The following PRCP variants were observed in gnomAD, a reference collection of about 807,000 sequenced individuals.
The protein encoded by PRCP is lysosomal Pro-X carboxypeptidase.
PRCP carries 46 observed loss-of-function variants against 54.2 expected under a neutral mutation model. That is an observed-to-expected ratio of 0.85 (90% CI 0.67 to 1.09). The LOEUF is 1.09. Among genes scored for constraint, PRCP ranks in the 50% least tolerant of loss-of-function variants. The probability of loss-of-function intolerance (pLI) is 0.00; values close to 1 mark genes in which losing one functional copy is unlikely to be tolerated. For missense variants in PRCP, 613 were observed against 596.8 expected, an observed-to-expected ratio of 1.03 and a Z score of -0.28; for synonymous variants, 240 against 212.2, an observed-to-expected ratio of 1.13 and a Z score of -1.14.
intron 4 of PRCP, 46 bp from the exon 5 acceptor site, chr11:82,850,117 ATAT>A: frequency 1.1e-6 from 1 of 879,106 alleles, no homozygotes; most frequent in Non-Finnish European, 1.5e-6. Flanking sequence ...AAGAAAAAAT[ATAT>A]ATATATATTA....
chr11:82,900,914 T>C (rs1286252519), upstream of PRCP: 1 of 454,428 alleles, frequency 2.2e-6, no homozygotes, highest in African/African-American at 2.0e-5. Flanking sequence ...CAGGCCAGTG[T>C]ATCACGAGGC....
upstream of PRCP, chr11:82,900,919 C>G (rs1241935871): frequency 4.4e-6 from 2 of 453,252 alleles, no homozygotes; most frequent in East Asian, 1.4e-4. Context: ...CAGTGTATCA[C>G]GAGGCAGGGA....
chr11:82,860,366 A>G (rs1029622133), intron 1 of PRCP, among the ~76,000 whole-genome samples: 7 of 152,018 alleles, frequency 4.6e-5, no homozygotes, highest in Admixed American at 4.6e-4. Flanking sequence ...AAAAAATACA[A>G]TTATAAAATC....
intron 1 of PRCP, among the ~76,000 whole-genome samples, chr11:82,894,105 A>C (rs923269626): frequency 3.3e-5 from 5 of 152,152 alleles, no homozygotes; most frequent in Non-Finnish European, 7.3e-5. Flanking sequence ...ATAAAAAAAT[A>C]AAAAGAAGTA....
intron 1 of PRCP, among the ~76,000 whole-genome samples, chr11:82,892,935 G>T (rs1003669938): frequency 3.9e-5 from 6 of 152,198 alleles, no homozygotes. Context: ...CCCAGTGCCT[G>T]ACATACAAAA....
At chr11:82,839,459 C>T in intron 6 of PRCP, 34 bp from the exon 7 acceptor site, 1 of 1,565,192 alleles carries the variant, frequency 6.4e-7, no homozygotes, top group African/African-American at 1.4e-5. Context: ...GGGAAAGAGT[C>T]AGAATATGAA....
intron 7 of PRCP, among the ~76,000 whole-genome samples, 192 bp downstream of exon 7, chr11:82,839,069 A>G (rs180888742): frequency 6.6e-6 from 1 of 152,346 alleles, no homozygotes; most frequent in East Asian, 1.9e-4. Flanking sequence ...AGAACTCAAT[A>G]TCTATTTGGT....
At chr11:82,885,269 A>G (rs191984288) in intron 1 of PRCP, among the ~76,000 whole-genome samples, 20 of 152,362 alleles carry the variant, frequency 1.3e-4, no homozygotes, top group Non-Finnish European at 2.6e-4. Context: ...CTCATTGTAT[A>G]AATAACTGAG....
At chr11:82,861,857 A>G (rs1859213653) in intron 1 of PRCP, among the ~76,000 whole-genome samples, 1 of 152,204 alleles carries the variant, frequency 6.6e-6, no homozygotes, top group Admixed American at 6.5e-5. Flanking sequence ...GATATACACA[A>G]TGATGTAGGG....
intron 1 of PRCP, among the ~76,000 whole-genome samples, chr11:82,882,875 A>ACACT (rs71274460): frequency 6.7e-6 from 1 of 149,128 alleles, no homozygotes; most frequent in Admixed American, 6.7e-5. Flanking sequence ...ACACACACAC[A>ACACT]GCCCTACTGC....
At chr11:82,887,361 G>T (rs1447336420) in intron 1 of PRCP, among the ~76,000 whole-genome samples, 1 of 152,150 alleles carries the variant, frequency 6.6e-6, no homozygotes. Context: ...TATTAACTCG[G>T]AGTATGGCAC....
chr11:82,871,621 A>G (rs1440886445), intron 1 of PRCP, among the ~76,000 whole-genome samples: 1 of 152,208 alleles, frequency 6.6e-6, no homozygotes, highest in East Asian at 1.9e-4. Context: ...AAAAAAGGCA[A>G]AAACCACGTT....
chr11:82,896,356 T>C (rs1189186577), intron 1 of PRCP, among the ~76,000 whole-genome samples: 1 of 152,188 alleles, frequency 6.6e-6, no homozygotes, highest in Non-Finnish European at 1.5e-5. Context: ...CAGTGGACTT[T>C]ACCCTCCATA....
chr11:82,900,630 C>T (rs756179126), upstream of PRCP: 1 of 687,060 alleles, frequency 1.5e-6, no homozygotes, highest in South Asian at 1.5e-5. Flanking sequence ...CCTCTCGTGC[C>T]ATCTGCTCCT....
chr11:82,839,174 C>T, intron 7 of PRCP, 87 bp downstream of exon 7: 1 of 1,427,040 alleles, frequency 7.0e-7, no homozygotes, highest in Non-Finnish European at 9.5e-7. Context: ...GGTTAGGTGA[C>T]AAAATCTTGT....
intron 1 of PRCP, among the ~76,000 whole-genome samples, chr11:82,883,620 G>A (rs563072049): frequency 3.2e-4 from 48 of 152,204 alleles, no homozygotes; most frequent in Admixed American, 1.1e-3. Context: ...GGAAGGCAGG[G>A]GTCAGTCAGT....
chr11:82,838,238 C>A, intron 8 of PRCP, 149 bp downstream of exon 8: 1 of 674,442 alleles, frequency 1.5e-6, no homozygotes, highest in South Asian at 3.6e-5. Flanking sequence ...TTCTCAGCAT[C>A]CTATCTTTCA....
At chr11:82,836,315 A>T (rs1858524826) in intron 8 of PRCP, 1 of 153,372 alleles carries the variant, frequency 6.5e-6, no homozygotes, top group Admixed American at 6.5e-5. Flanking sequence ...GACTGCACAT[A>T]TAAGGAGCTA....
At chr11:82,879,689 T>A (rs1023226418) in intron 1 of PRCP, among the ~76,000 whole-genome samples, 2 of 152,354 alleles carry the variant, frequency 1.3e-5, no homozygotes, top group South Asian at 4.1e-4. Context: ...TGGTCTTTGA[T>A]GATGGTGACG....
Sources: allele counts gnomAD v4.1 joint callset (sites outside exome capture counted in the v4.1 genomes callset), GRCh38; gene constraint gnomAD v4.1.1; transcripts MANE v1.5; gene names NCBI Gene and HGNC (gene_info 2026-07-23, HGNC 2026-07-21).